Variants in CRACR2B observed in about 807,000 individuals in gnomAD.
CRACR2B encodes calcium release activated channel regulator 2B.
CRACR2B carries 50 observed loss-of-function variants against 46.0 expected under a neutral mutation model. That is an observed-to-expected ratio of 1.09 (90% CI 0.87 to 1.38). The LOEUF is 1.38. CRACR2B is among the 40% of genes most tolerant of loss of function. The pLI, the probability that CRACR2B is intolerant of heterozygous loss-of-function variation, is 0.00. For synonymous variants in CRACR2B, 277 were observed against 239.6 expected, an observed-to-expected ratio of 1.16 and a Z score of -1.44; for missense variants, 667 against 535.0, an observed-to-expected ratio of 1.25 and a Z score of -2.43.
Position 828,671 on chromosome 11 carries a change from G to A in CRACR2B, c.64G>A (p.Gly22Ser). 3 of 1,608,872 alleles carry A rather than the reference G, an allele frequency of 1.9e-6. No individual in the cohort carries two copies. The highest frequency in any genetic ancestry group is 1.7e-4 in the Middle Eastern group (1 of 5,976). The change falls in exon 1 of 9, where the codon GGC becomes AGC. Residue 22 changes from glycine to serine, a missense_variant. By Grantham distance (56) the Gly-to-Ser change is moderately conservative. Coordinates refer to ENST00000525077, the MANE Select transcript of CRACR2B (RefSeq NM_001286606.2). ...AQEEEGELEGGSAGPRAAILE... is the reference protein window; with the variant it reads ...AQEEEGELEGSSAGPRAAILE... ...GGAGGAGGAGGGGGAACTCGAGGGGGGCTCTGCAGGGCCGCGGGCTGCAAT... is the reference window on the plus strand; with the variant it reads ...GGAGGAGGAGGGGGAACTCGAGGGGAGCTCTGCAGGGCCGCGGGCTGCAAT...
chr11:828,509 T>C lies in CRACR2B; in HGVS notation c.-99T>C. ...GCAGGGAGGGCCCTCGGCTGAGCCT[T>C]CAGACACACTTGCACCCCATCCGCT... On this transcript the variant is annotated 5_prime_UTR_variant, in exon 1 of 9. Coordinates refer to ENST00000525077, the MANE Select transcript of CRACR2B (RefSeq NM_001286606.2). 1 of 1,393,556 alleles carries C rather than the reference T, an allele frequency of 7.2e-7. No homozygotes were observed. Among genetic ancestry groups the C allele is most frequent in the Non-Finnish European group, 9.4e-7 (1 of 1,062,192 alleles). 86.3% of individuals were successfully genotyped at this position (1,393,556 alleles called of 1,614,324 possible). A position where few individuals can be genotyped will look rare whatever the true frequency, so the allele number is the denominator to read the frequency against.
chr11:830,797 C>T (rs1846349698), intron 6 of CRACR2B, 69 bp from the exon 7 acceptor site: 1 of 1,483,134 alleles, frequency 6.7e-7, no homozygotes, highest in Admixed American at 2.2e-5. Context: ...TGTCGGGAGC[C>T]TGGGGCACGC....
chr11:831,056 G>A (rs1340616150), intron 7 of CRACR2B, 24 bp downstream of exon 7: 13 of 1,535,754 alleles, frequency 8.5e-6, no homozygotes, highest in Non-Finnish European at 1.1e-5. Context: ...GGGCTGGGCG[G>A]GCCCCGGTGC....
chr11:831,138 G>T (rs757941557), intron 7 of CRACR2B, 86 bp from the exon 8 acceptor site: 3 of 1,596,388 alleles, frequency 1.9e-6, no homozygotes, highest in Admixed American at 3.5e-5. Context: ...TCCCAGGCCC[G>T]CCCCGTGGGA....
intron 7 of CRACR2B, 74 bp downstream of exon 7, chr11:831,106 C>A: frequency 6.4e-7 from 1 of 1,559,466 alleles, no homozygotes; most frequent in Non-Finnish European, 8.7e-7. Context: ...CAGGTCTGGG[C>A]CACTTTCATC....
rs1846052980 is a variant in CRACR2B, at chr11:828,158, C to T, written c.-450C>T. ...TTGGTCAGGACTGGCTGAGCCCTCA[C>T]TTGGGATCAGATCTCCAGTTGCAGA... On this transcript the variant is annotated 5_prime_UTR_variant, in exon 1 of 9. Transcript: ENST00000525077. 5.9e-6 allele frequency: 1 copy of T among 168,710 alleles called. No homozygotes were observed. The highest frequency in any genetic ancestry group is 1.3e-5 in the Non-Finnish European group (1 of 79,776). 10.5% of individuals were successfully genotyped at this position (168,710 alleles called of 1,614,324 possible). A position where few individuals can be genotyped will look rare whatever the true frequency, so the allele number is the denominator to read the frequency against.
At position 830,152 on chromosome 11, in the gene CRACR2B, A is replaced by G; in HGVS notation, c.605+20A>G. 1 of 1,517,034 alleles carries G rather than the reference A, an allele frequency of 6.6e-7. No individual in the cohort carries two copies. The highest frequency in any genetic ancestry group is 8.8e-7 in the Non-Finnish European group (1 of 1,136,818). 94.0% of individuals were successfully genotyped at this position (1,517,034 alleles called of 1,614,324 possible). A position where few individuals can be genotyped will look rare whatever the true frequency, so the allele number is the denominator to read the frequency against. On this transcript the variant is annotated intron_variant, in intron 4 of 8. Transcript: ENST00000525077. ...GCGGAGGTGAGGGCCGGGGTGGGGTATGGGGGCCAATGGAGGGCCTCAGGG... is the reference window on the plus strand; with the variant it reads ...GCGGAGGTGAGGGCCGGGGTGGGGTGTGGGGGCCAATGGAGGGCCTCAGGG...
At chr11:827,420 G>A (rs754855479), upstream of CRACR2B, 34 of 449,544 alleles carry the variant, frequency 7.6e-5, no homozygotes, top group African/African-American at 6.4e-5. Context: ...CGTCTCGGTC[G>A]GGAACTCCGG....
rs1035635862 is a variant in CRACR2B, at chr11:827,965, T to G, written c.-643T>G. Among the ~76,000 whole-genome samples the G allele has an allele frequency of 1.3e-5, 2 of 152,128 alleles. No individual in the cohort carries two copies. The highest frequency in any genetic ancestry group is 1.3e-4 in the Admixed American group (2 of 15,284). On this transcript the variant is annotated 5_prime_UTR_variant, in exon 1 of 9. Coordinates refer to ENST00000525077, the MANE Select transcript of CRACR2B (RefSeq NM_001286606.2). Reference sequence around the variant, plus strand: ...TAGGTCTCGAATCTGGAAGTGTTCCTGAGTGGGGCGTCAGAGGCGAAGGGC... The same window carrying G: ...TAGGTCTCGAATCTGGAAGTGTTCCGGAGTGGGGCGTCAGAGGCGAAGGGC...
Position 830,085 on chromosome 11 carries a change from G to A in CRACR2B, c.558G>A (p.Leu186=), listed in dbSNP as rs1168165597. The change falls in exon 4 of 9, where the codon CTG becomes CTA. Residue 186 remains leucine (L), a synonymous_variant. Coordinates refer to ENST00000525077, the MANE Select transcript of CRACR2B (RefSeq NM_001286606.2). ...TTCTGATACGCGCGTCGGCCTGCCT[G>A]GAGGAGGCGGCCCGGGAGCGCGACG... The part of the protein sequence containing the change: ...EDVLIRASAC[L]EEAARERDGL... 6.5e-7 allele frequency: 1 copy of A among 1,545,844 alleles called. No individual in the cohort carries two copies. Among genetic ancestry groups the A allele is most frequent in the Non-Finnish European group, 8.7e-7 (1 of 1,150,734 alleles).
In CRACR2B at chr11:829,432, G is replaced by T. The variant is rs1388882923; in HGVS notation, c.350G>T (p.Gly117Val). 5.6e-6 allele frequency: 9 copies of T among 1,610,346 alleles called. No homozygotes were observed. The highest frequency in any genetic ancestry group is 2.2e-5 in the East Asian group (1 of 44,798). Reference sequence around the variant, plus strand: ...ACTCCCGAGGAGACCTTTGAGTCGGGCGGGCTCGACGTGCAGGGCACGGCG... The same window carrying T: ...ACTCCCGAGGAGACCTTTGAGTCGGTCGGGCTCGACGTGCAGGGCACGGCG... ...CRTPEETFES[G>V]GLDVQGTAGS... is the part of the protein sequence containing the mutation. Residue 117 changes from glycine to valine, a missense_variant, in exon 3 of 9, where the codon GGC becomes GTC. Gly to Val is a moderately radical substitution (Grantham distance 109). Transcript: ENST00000525077.
Position 829,517 on chromosome 11 carries a change from G to A in CRACR2B, c.435G>A (p.Leu145=), listed in dbSNP as rs1179543099. 1.9e-6 allele frequency: 3 copies of A among 1,597,868 alleles called. No homozygotes were observed. Among genetic ancestry groups the A allele is most frequent in the Non-Finnish European group, 2.6e-6 (3 of 1,173,774 alleles). ...GATTCCACACTGTGCTGGAGCAGCTGGGGGTGGCCCCGGTCCTGGGCAAGT... is the reference window on the plus strand; with the variant it reads ...GATTCCACACTGTGCTGGAGCAGCTAGGGGTGGCCCCGGTCCTGGGCAAGT... ...EERFHTVLEQ[L]GVAPVLGKQR... Residue 145 remains leucine, a synonymous_variant, in exon 3 of 9, where the codon CTG becomes CTA. Transcript: ENST00000525077.
chr11:829,372 G>A lies in CRACR2B; in HGVS notation c.290G>A (p.Gly97Glu), dbSNP rs781272807. Reference sequence around the variant, plus strand: ...TCCATGCCCGCAGGGATGTTTGTGGGGGTGGCGTCAGCCCAGGGAGCGAAC... The same window carrying A: ...TCCATGCCCGCAGGGATGTTTGTGGAGGTGGCGTCAGCCCAGGGAGCGAAC... Reference protein sequence around the residue: ...EFCLGLGMFVGVASAQGANPC... With the variant: ...EFCLGLGMFVEVASAQGANPC... Residue 97 changes from glycine (G) to glutamate (E), a missense_variant, in exon 3 of 9, where the codon GGG becomes GAG. Gly to Glu is a moderately conservative substitution (Grantham distance 98). Coordinates refer to ENST00000525077, the MANE Select transcript of CRACR2B (RefSeq NM_001286606.2). 5 of 1,606,930 alleles carry A rather than the reference G, an allele frequency of 3.1e-6. No individual in the cohort carries two copies. Among genetic ancestry groups the A allele is most frequent in the Non-Finnish European group, 4.2e-6 (5 of 1,178,104 alleles).
Position 830,238 on chromosome 11 carries a change from G to C in CRACR2B, c.606-12G>C. ...GGCAAGTTCTCATCCGGGGTCGCCC[G>C]GTCCCCCGAAGGCGCGAGAGCGAGC... On this transcript the variant is annotated splice_polypyrimidine_tract_variant and intron_variant, in intron 4 of 8. Coordinates refer to ENST00000525077, the MANE Select transcript of CRACR2B (RefSeq NM_001286606.2). 1 of 1,502,226 alleles carries C rather than the reference G, an allele frequency of 6.7e-7. No individual in the cohort carries two copies. The highest frequency in any genetic ancestry group is 8.9e-7 in the Non-Finnish European group (1 of 1,123,188). 93.1% of individuals were successfully genotyped at this position (1,502,226 alleles called of 1,614,324 possible). A position where few individuals can be genotyped will look rare whatever the true frequency, so the allele number is the denominator to read the frequency against.
In CRACR2B at chr11:830,277, G is replaced by A. The variant is rs1162996108; in HGVS notation, c.633G>A (p.Val211=). ...RRRESEHERE[V]RALYEETEQL... Reference sequence around the variant, plus strand: ...GCGAGAGCGAGCACGAGAGGGAGGTGCGCGCTCTGTACGAGGAGACGGAGC... The same window carrying A: ...GCGAGAGCGAGCACGAGAGGGAGGTACGCGCTCTGTACGAGGAGACGGAGC... The change falls in exon 5 of 9, where the codon GTG becomes GTA. Residue 211 remains valine, a synonymous_variant. Transcript: ENST00000525077. 1 of 1,525,492 alleles carries A rather than the reference G, an allele frequency of 6.6e-7. No individual in the cohort carries two copies. Among genetic ancestry groups the A allele is most frequent in the Non-Finnish European group, 8.8e-7 (1 of 1,135,080 alleles). 94.5% of individuals were successfully genotyped at this position (1,525,492 alleles called of 1,614,324 possible).
chr11:829,830 A>T, intron 3 of CRACR2B, 156 bp from the exon 4 acceptor site: 1 of 1,364,034 alleles, frequency 7.3e-7, no homozygotes, highest in Admixed American at 2.9e-5. Context: ...CACGCCGGGC[A>T]GGGGCGAAAG....
chr11:829,521 G>A lies in CRACR2B; in HGVS notation c.439G>A (p.Val147Met). The A allele has an allele frequency of 6.3e-7, 1 of 1,595,846 alleles. No homozygotes were observed. Among genetic ancestry groups the A allele is most frequent in the Non-Finnish European group, 8.5e-7 (1 of 1,172,846 alleles). Residue 147 changes from valine (V) to methionine (M), a missense_variant, in exon 3 of 9, where the codon GTG becomes ATG. Val to Met is a conservative substitution (Grantham distance 21, BLOSUM62 1). Coordinates refer to ENST00000525077, the MANE Select transcript of CRACR2B (RefSeq NM_001286606.2). ...RFHTVLEQLG[V>M]APVLGKQRAV... ...CCACACTGTGCTGGAGCAGCTGGGG[G>A]TGGCCCCGGTCCTGGGCAAGTGAGT...
chr11:831,102 T>G (rs748327120), intron 7 of CRACR2B, 70 bp downstream of exon 7: 1 of 1,556,742 alleles, frequency 6.4e-7, no homozygotes, highest in Non-Finnish European at 8.7e-7. Flanking sequence ...CGCTCAGGTC[T>G]GGGCCACTTT....
In CRACR2B at chr11:831,042, G is replaced by T. The variant is rs978762057; in HGVS notation, c.953+10G>T. The stretch of plus-strand genomic sequence containing the variant: ...AGGAGCAAACCCAACGGTGCCGTGG[G>T]ACGGGGCTGGGCGGGCCCCGGTGCG... On this transcript the variant is annotated intron_variant, in intron 7 of 8. Transcript: ENST00000525077. 2.3e-5 allele frequency: 36 copies of T among 1,535,550 alleles called. No homozygotes were observed. Among genetic ancestry groups the T allele is most frequent in the Middle Eastern group, 4.1e-4 (2 of 4,834 alleles).
Sources: allele counts gnomAD v4.1 joint callset (sites outside exome capture counted in the v4.1 genomes callset), GRCh38; gene constraint gnomAD v4.1.1; transcripts MANE v1.5; gene names NCBI Gene and HGNC (gene_info 2026-07-23, HGNC 2026-07-21).